RSPO2: variants seen among roughly 807,000 people sequenced by gnomAD.
The protein encoded by RSPO2 is R-spondin 2, also known as R-spondin-2.
Under a neutral mutation model 30.9 loss-of-function variants are expected in RSPO2, and 14 were observed. The ratio of observed to expected loss-of-function variants is 0.45; its 90% CI spans 0.30 to 0.71. The LOEUF (loss-of-function observed/expected upper bound fraction) is 0.71, where lower values mean the gene tolerates loss of function less well. Ranked by LOEUF, RSPO2 falls within the 30% of genes least tolerant of loss-of-function variation. RSPO2 has a pLI of 0.08. For synonymous variants in RSPO2, 107 were observed against 96.4 expected, an observed-to-expected ratio of 1.11 and a Z score of -0.64; for missense variants, 264 against 301.9, an observed-to-expected ratio of 0.87 and a Z score of 0.93.
At chr8:108,016,261 C>T (rs948641871) in intron 2 of RSPO2, among the ~76,000 whole-genome samples, 3 of 152,084 alleles carry the variant, frequency 2.0e-5, no homozygotes, top group African/African-American at 7.2e-5. Context: ...TCCACAAAAA[C>T]GGAAGTACAC....
intron 3 of RSPO2, among the ~76,000 whole-genome samples, chr8:107,965,305 G>A (rs1813764162): frequency 6.6e-6 from 1 of 152,172 alleles, no homozygotes; most frequent in African/African-American, 2.4e-5. Context: ...TGATGGGGCT[G>A]TCATTTGGCA....
At chr8:107,945,241 C>CTTTTTTTTTT (rs754722790) in intron 5 of RSPO2, among the ~76,000 whole-genome samples, 9 of 74,834 alleles carry the variant, frequency 1.2e-4, no homozygotes, top group Non-Finnish European at 1.6e-4. Flanking sequence ...ATTCTTTTAC[C>CTTTTTTTTTT]TTTTTTTTTT....
At chr8:107,908,570 T>G (rs2130262569) in intron 5 of RSPO2, among the ~76,000 whole-genome samples, 1 of 152,224 alleles carries the variant, frequency 6.6e-6, no homozygotes, top group Admixed American at 6.5e-5. Flanking sequence ...TAAGAGATGG[T>G]TTTTTAAAAC....
At chr8:108,062,842 T>C (rs1424584084) in intron 2 of RSPO2, among the ~76,000 whole-genome samples, 3 of 151,834 alleles carry the variant, frequency 2.0e-5, no homozygotes, top group African/African-American at 4.9e-5. Context: ...CATGATCAAG[T>C]GGGCTTCATC....
At chr8:108,027,997 G>T (rs138361664) in intron 2 of RSPO2, among the ~76,000 whole-genome samples, 1 of 152,096 alleles carries the variant, frequency 6.6e-6, no homozygotes, top group Admixed American at 6.6e-5. Context: ...ACTTTGACCA[G>T]CCCTACATGA....
chr8:108,025,779 C>T (rs1272407284), intron 2 of RSPO2, among the ~76,000 whole-genome samples: 1 of 152,086 alleles, frequency 6.6e-6, no homozygotes. Context: ...ACTTCAGCCT[C>T]CCAAGGTGGT....
chr8:107,975,251 T>C (rs531814307), intron 3 of RSPO2, among the ~76,000 whole-genome samples: 11 of 152,364 alleles, frequency 7.2e-5, no homozygotes, highest in African/African-American at 2.4e-4. Context: ...TAAATAGGAA[T>C]GCCTTCATTA....
intron 2 of RSPO2, among the ~76,000 whole-genome samples, chr8:108,014,659 A>G (rs1046025018): frequency 1.3e-5 from 2 of 151,776 alleles, no homozygotes; most frequent in Admixed American, 1.3e-4. Context: ...ACACATGGAC[A>G]CAGGGAGGGG....
intron 5 of RSPO2, among the ~76,000 whole-genome samples, chr8:107,949,560 G>A (rs968226069): frequency 6.6e-6 from 1 of 152,074 alleles, no homozygotes. Context: ...AAAAACAACT[G>A]ATAAGTCAAA....
At chr8:108,039,222 T>C (rs1191001572) in intron 2 of RSPO2, among the ~76,000 whole-genome samples, 1 of 152,200 alleles carries the variant, frequency 6.6e-6, no homozygotes, top group Non-Finnish European at 1.5e-5. Flanking sequence ...TTTAATAATC[T>C]GGAAAACTAA....
intron 2 of RSPO2, among the ~76,000 whole-genome samples, chr8:108,038,905 G>A (rs114781876): frequency 3.9e-5 from 6 of 152,132 alleles, no homozygotes. Flanking sequence ...CTTTACTGTG[G>A]TGGTCTGAAA....
chr8:107,915,244 G>A (rs989946141), intron 5 of RSPO2, among the ~76,000 whole-genome samples: 8 of 152,090 alleles, frequency 5.3e-5, no homozygotes, highest in Non-Finnish European at 1.0e-4. Flanking sequence ...AAAAAATCTG[G>A]ATATTTAAAA....
intron 5 of RSPO2, among the ~76,000 whole-genome samples, chr8:107,937,151 G>GTTTTTTTTTTT (rs149136012): frequency 9.3e-6 from 1 of 107,724 alleles, no homozygotes. Flanking sequence ...TCCATCTTCA[G>GTTTTTTTTTTT]TTGTTTTTTT....
chr8:108,044,649 T>C (rs938911628), intron 2 of RSPO2, among the ~76,000 whole-genome samples: 7 of 152,186 alleles, frequency 4.6e-5, no homozygotes, highest in African/African-American at 1.4e-4. Flanking sequence ...TCTTTGCTAT[T>C]GTGAGCAGTG....
chr8:108,053,819 G>T (rs140949810), intron 2 of RSPO2, among the ~76,000 whole-genome samples: 1,600 of 152,168 alleles, frequency 0.011, 72 homozygotes, highest in Admixed American at 0.085. Context: ...GCTAAGAAAC[G>T]TAAGAACCAC....
At chr8:108,019,132 C>T (rs1468645811) in intron 2 of RSPO2, among the ~76,000 whole-genome samples, 2 of 152,150 alleles carry the variant, frequency 1.3e-5, no homozygotes, top group Non-Finnish European at 2.9e-5. Context: ...CTACCCAACA[C>T]TGATTCTTAT....
At chr8:108,041,053 A>C (rs1811736886) in intron 2 of RSPO2, among the ~76,000 whole-genome samples, 1 of 152,122 alleles carries the variant, frequency 6.6e-6, no homozygotes, top group African/African-American at 2.4e-5. Context: ...TTGGCCAAGT[A>C]CATTGAGCTT....
intron 2 of RSPO2, among the ~76,000 whole-genome samples, chr8:107,999,146 C>A (rs1461605922): frequency 6.6e-6 from 1 of 151,954 alleles, no homozygotes; most frequent in Admixed American, 6.6e-5. Context: ...AAAGCTTTAA[C>A]CTCCCGAGAA....
chr8:108,006,910 G>A (rs146593353), intron 2 of RSPO2, among the ~76,000 whole-genome samples: 1 of 152,118 alleles, frequency 6.6e-6, no homozygotes, highest in African/African-American at 2.4e-5. Context: ...TTGTTTTGGT[G>A]AACTGTTTGA....
Sources: allele counts gnomAD v4.1 joint callset (sites outside exome capture counted in the v4.1 genomes callset), GRCh38; gene constraint gnomAD v4.1.1; transcripts MANE v1.5; gene names NCBI Gene and HGNC (gene_info 2026-07-23, HGNC 2026-07-21).